Variants in KIAA1217 observed in about 807,000 individuals in gnomAD.
KIAA1217 encodes KIAA1217, also known as sickle tail protein homolog.
KIAA1217 carries 88 observed loss-of-function variants against 163.9 expected under a neutral mutation model. That is an observed-to-expected ratio of 0.54 (90% CI 0.45 to 0.64). The LOEUF (loss-of-function observed/expected upper bound fraction) is 0.64. Among genes scored for constraint, KIAA1217 ranks in the 30% least tolerant of loss-of-function variants. The pLI is 0.00. For missense variants in KIAA1217, 2,372 were observed against 2,475.0 expected, an observed-to-expected ratio of 0.96 and a Z score of 0.88; for synonymous variants, 903 against 923.1, an observed-to-expected ratio of 0.98 and a Z score of 0.39.
intron 2 of KIAA1217, among the ~76,000 whole-genome samples, chr10:24,105,847 G>A (rs190382600): frequency 1.1e-4 from 17 of 152,352 alleles, no homozygotes; most frequent in African/African-American, 2.9e-4. Flanking sequence ...GCATGCATGC[G>A]TGTGGAAACT....
At chr10:23,718,851 GGAGAGAGAGAGAGAA>G (rs1030164022) in intron 1 of KIAA1217, among the ~76,000 whole-genome samples, 1 of 141,002 alleles carries the variant, frequency 7.1e-6, no homozygotes, top group African/African-American at 2.9e-5. Flanking sequence ...GGAGGGAGGG[GGAGAGAGAGAGAGAA>G]GAGAGAGAGA....
intron 2 of KIAA1217, among the ~76,000 whole-genome samples, chr10:24,062,696 T>A (rs2060776813): frequency 6.6e-6 from 1 of 151,928 alleles, no homozygotes; most frequent in Non-Finnish European, 1.5e-5. Flanking sequence ...TAGTTCTAGA[T>A]CCCTGAGGAA....
chr10:24,432,566 C>T (rs543527387), intron 3 of KIAA1217, among the ~76,000 whole-genome samples: 1 of 151,726 alleles, frequency 6.6e-6, no homozygotes, highest in Admixed American at 6.6e-5. Context: ...AGTGATCTTC[C>T]CACCACAGCC....
At chr10:24,203,861 G>C (rs1004915023), upstream of KIAA1217, among the ~76,000 whole-genome samples, 1 of 152,206 alleles carries the variant, frequency 6.6e-6, no homozygotes, top group African/African-American at 2.4e-5. Context: ...GTTGCCACCT[G>C]GAATCCAGAC....
chr10:24,039,037 C>A (rs550362914), intron 2 of KIAA1217, among the ~76,000 whole-genome samples: 24 of 152,286 alleles, frequency 1.6e-4, no homozygotes, highest in African/African-American at 5.8e-4. Context: ...AGCCACCGCA[C>A]CCAGCTGAAA....
chr10:23,805,487 G>A (rs1380606561), intron 1 of KIAA1217, among the ~76,000 whole-genome samples: 2 of 152,168 alleles, frequency 1.3e-5, no homozygotes, highest in Non-Finnish European at 2.9e-5. Context: ...AGAAAACATG[G>A]ACACATAGAG....
At chr10:23,765,185 C>CTTTTTTTTTTTTTTTT (rs1834447762) in intron 1 of KIAA1217, among the ~76,000 whole-genome samples, 1 of 97,456 alleles carries the variant, frequency 1.0e-5, no homozygotes, top group Non-Finnish European at 2.0e-5. Context: ...CTTTTTTGTT[C>CTTTTTTTTTTTTTTTT]TCTTTTTTTT....
At chr10:23,784,325 C>A (rs1407974233) in intron 1 of KIAA1217, among the ~76,000 whole-genome samples, 19 of 151,988 alleles carry the variant, frequency 1.3e-4, no homozygotes, top group Admixed American at 1.2e-3. Flanking sequence ...ACTTGTGTGT[C>A]CTTAAAGCTA....
chr10:24,136,624 G>A lies in KIAA1217; in HGVS notation c.-170-83002G>A, dbSNP rs578069215. Among the ~76,000 whole-genome samples, 4 of 152,076 alleles carry A rather than the reference G, an allele frequency of 2.6e-5. No homozygotes were observed. The South Asian group carries it at 8.3e-4, about 32-fold the overall frequency. ...TTTGCTGAAAATATTTTTATGATTT[G>A]TATTGACTGTCTACATAACCTTTTT... On this transcript the variant is annotated intron_variant, in intron 2 of 18. Transcript: ENST00000376462.
chr10:24,074,793 C>T lies in KIAA1217; in HGVS notation c.-171+67419C>T, dbSNP rs1013950627. 3.3e-5 allele frequency among the ~76,000 whole-genome samples: 5 copies of T among 151,012 alleles called. No homozygotes were observed. In the East Asian group the frequency reaches 5.9e-4, roughly 18 times the overall value. ...CACACTCAGTGCAGCCTTTACCTCC[C>T]GGGATCAAGTGATCCCCCACCTCAG... On this transcript the variant is annotated intron_variant, in intron 2 of 18. Transcript: ENST00000376462.
intron 2 of KIAA1217, among the ~76,000 whole-genome samples, chr10:24,149,883 T>C (rs929457606): frequency 6.6e-6 from 1 of 152,160 alleles, no homozygotes; most frequent in East Asian, 1.9e-4. Flanking sequence ...AACTATTATA[T>C]AGCAAGTTTT....
intron 6 of KIAA1217, among the ~76,000 whole-genome samples, chr10:24,479,929 A>T (rs542319587): frequency 1.3e-5 from 2 of 152,338 alleles, no homozygotes; most frequent in Admixed American, 1.3e-4. Context: ...GAGGCCCTTC[A>T]TGAGGGATCT....
At position 24,297,208 on chromosome 10, in the gene KIAA1217, T is replaced by C. The variant is rs141103190; in HGVS notation, c.354+77299T>C. Among the ~76,000 whole-genome samples the C allele has an allele frequency of 7.4e-3, 1,123 of 152,290 alleles. 12 individuals carry two copies. The highest frequency in any genetic ancestry group is 0.025 in the African/African-American group (1,047 of 41,560). Reference sequence around the variant, plus strand: ...TGGGGGCTACTTTTGTTTGTCACAATAATTGGAGCAGTTGGTTGAAGGGTA... The same window carrying C: ...TGGGGGCTACTTTTGTTTGTCACAACAATTGGAGCAGTTGGTTGAAGGGTA... On this transcript the variant is annotated intron_variant, in intron 2 of 20. Coordinates refer to ENST00000376454, the MANE Select transcript of KIAA1217 (RefSeq NM_019590.5).
At chr10:23,712,004 C>A (rs930467618) in intron 1 of KIAA1217, among the ~76,000 whole-genome samples, 5 of 152,118 alleles carry the variant, frequency 3.3e-5, no homozygotes, top group African/African-American at 1.2e-4. Context: ...TGTTGCCTGT[C>A]TGCAGACATT....
chr10:24,206,963 G>A (rs1440805978), upstream of KIAA1217, among the ~76,000 whole-genome samples: 2 of 152,172 alleles, frequency 1.3e-5, no homozygotes, highest in Non-Finnish European at 2.9e-5. Context: ...AGGCCTGAAA[G>A]ACTGCTCTGA....
At chr10:24,326,040 G>A (rs2044835946) in intron 2 of KIAA1217, among the ~76,000 whole-genome samples, 1 of 152,162 alleles carries the variant, frequency 6.6e-6, no homozygotes, top group Non-Finnish European at 1.5e-5. Flanking sequence ...CTAAGGCCTG[G>A]TTGGAGTGAT....
chr10:23,821,940 A>T (rs549954508), intron 1 of KIAA1217, among the ~76,000 whole-genome samples: 1 of 152,158 alleles, frequency 6.6e-6, no homozygotes, highest in African/African-American at 2.4e-5. Flanking sequence ...CTCCCACTGC[A>T]TGGAATGTGG....
chr10:24,539,219 TTTC>T (rs1347488785), intron 17 of KIAA1217, among the ~76,000 whole-genome samples: 2 of 151,940 alleles, frequency 1.3e-5, no homozygotes, highest in African/African-American at 4.8e-5. Flanking sequence ...TTGTAGAATT[TTTC>T]TTTTCTTTTC....
intron 5 of KIAA1217, among the ~76,000 whole-genome samples, chr10:24,442,532 C>T (rs1301409473): frequency 6.6e-6 from 1 of 152,156 alleles, no homozygotes; most frequent in Non-Finnish European, 1.5e-5. Context: ...ATATGGAGAT[C>T]ATTTCCGTGG....
Sources: allele counts gnomAD v4.1 joint callset (sites outside exome capture counted in the v4.1 genomes callset), GRCh38; gene constraint gnomAD v4.1.1; transcripts MANE v1.5; gene names NCBI Gene and HGNC (gene_info 2026-07-23, HGNC 2026-07-21).